Variants in SHROOM4 observed in about 807,000 individuals in gnomAD.
The protein encoded by SHROOM4 is shroom family member 4, also known as protein Shroom4.
Under a neutral mutation model 80.3 loss-of-function variants are expected in SHROOM4, and 17 were observed. The ratio of observed to expected loss-of-function variants is 0.21; its 90% CI spans 0.14 to 0.32. The LOEUF is 0.32. SHROOM4 is among the 10% of genes least tolerant of loss of function. SHROOM4 has a pLI of 1.00. For synonymous variants in SHROOM4, 400 were observed against 437.5 expected (o/e 0.91, Z 1.07); for missense variants, 993 against 1,140.3 (o/e 0.87, Z 1.86).
intron 1 of SHROOM4, among the ~76,000 whole-genome samples, chrX:50,770,796 C>T (rs1463585572): frequency 2.7e-5 from 3 of 111,448 alleles, no homozygotes; most frequent in Non-Finnish European, 5.7e-5. Flanking sequence ...CTCATACAGG[C>T]CCCCAGTCTG....
chrX:50,654,151 G>A (rs1932220157), intron 2 of SHROOM4, among the ~76,000 whole-genome samples: 1 of 111,770 alleles, frequency 8.9e-6, no homozygotes, highest in South Asian at 3.8e-4. Flanking sequence ...TCCAGGGACA[G>A]GAATGTTCTT....
rs782579658 is a variant in SHROOM4 at position 50,813,918 on chromosome X, G to T, written c.101C>A (p.Pro34Gln). The T allele has an allele frequency of 8.4e-7, 1 of 1,191,931 alleles. No homozygotes were observed. The highest frequency in any genetic ancestry group is 1.1e-6 in the Non-Finnish European group (1 of 878,836). ...AGTTCTTACCTTAGACACTGTGAGC[G>T]GCTCACAGTGTTCCAGACCCCCCTT... ...TLKGGLEHCEPLTVSKIEDGG... is the reference protein window; with the variant it reads ...TLKGGLEHCEQLTVSKIEDGG... Residue 34 changes from proline (P) to glutamine (Q), a missense_variant, in exon 1 of 9, where the codon CCG becomes CAG. By Grantham distance (76) the Pro-to-Gln change is moderately conservative. Transcript: ENST00000376020.
At chrX:50,602,085 C>A (rs1470175323) in intron 7 of SHROOM4, among the ~76,000 whole-genome samples, 1 of 109,134 alleles carries the variant, frequency 9.2e-6, no homozygotes, top group Non-Finnish European at 1.9e-5. Context: ...CTGTTCTTTT[C>A]TTTTCTTCTT....
chrX:50,606,581 A>C, intron 6 of SHROOM4, among the ~76,000 whole-genome samples: 1 of 108,227 alleles, frequency 9.2e-6, no homozygotes, highest in East Asian at 3.0e-4. Context: ...GCTTTGGAGC[A>C]AAAGAAATTA....
intron 1 of SHROOM4, among the ~76,000 whole-genome samples, chrX:50,770,105 G>A (rs1557269598): frequency 9.1e-6 from 1 of 110,267 alleles, no homozygotes; most frequent in Non-Finnish European, 1.9e-5. Context: ...AAGCCTTCCT[G>A]TCCAAGAGAA....
chrX:50,628,344 AT>A (rs1198225079), intron 4 of SHROOM4, among the ~76,000 whole-genome samples: 1 of 110,780 alleles, frequency 9.0e-6, no homozygotes, highest in Non-Finnish European at 1.9e-5. Context: ...CTTAAGGGCC[AT>A]GTCCAAGCAA....
chrX:50,622,521 A>G (rs1029304310), intron 5 of SHROOM4, among the ~76,000 whole-genome samples: 1 of 112,623 alleles, frequency 8.9e-6, no homozygotes, highest in African/African-American at 3.2e-5. Flanking sequence ...CGGAAAACCA[A>G]ATAACAGTGG....
chrX:50,688,163 C>G (rs1933125760), intron 2 of SHROOM4, among the ~76,000 whole-genome samples: 1 of 111,377 alleles, frequency 9.0e-6, no homozygotes, highest in Non-Finnish European at 1.9e-5. Flanking sequence ...TATTTATGGA[C>G]ACTTACATTT....
chrX:50,600,484 A>G (rs1160908710), intron 7 of SHROOM4, among the ~76,000 whole-genome samples: 1 of 112,059 alleles, frequency 8.9e-6, no homozygotes, highest in East Asian at 2.8e-4. Flanking sequence ...AGATAACAAT[A>G]GGACCTACCT....
intron 1 of SHROOM4, among the ~76,000 whole-genome samples, chrX:50,811,827 C>T (rs1342186727): frequency 9.1e-6 from 1 of 110,477 alleles, no homozygotes; most frequent in Non-Finnish European, 1.9e-5. Flanking sequence ...TCATAATGAG[C>T]CTTCATATAA....
intron 5 of SHROOM4, among the ~76,000 whole-genome samples, chrX:50,610,352 T>TCTCTCTCACACACACACACACACA (rs782591424): frequency 8.7e-5 from 8 of 91,707 alleles, no homozygotes; most frequent in African/African-American, 3.2e-4. Flanking sequence ...TCTCTCTCTC[T>TCTCTCTCACACACACACACACACA]CACACACACA....
At chrX:50,751,337 C>A (rs782427020) in intron 1 of SHROOM4, among the ~76,000 whole-genome samples, 3 of 112,106 alleles carry the variant, frequency 2.7e-5, no homozygotes, top group Non-Finnish European at 5.6e-5. Context: ...ATTGAATCCT[C>A]AGCTATAGCT....
rs1930349393 is a variant in SHROOM4, at chrX:50,618,277, CCCCTTCCTTCCT to C, written c.2957+9325_2957+9336del. ...TTTCTTTCTTTTCTTCTCTTCTCTTCCCCTTCCTTCCTTCCTTCCTTCCTTCCTTCCTTCCTT... is the reference window on the plus strand; with the variant it reads ...TTTCTTTCTTTTCTTCTCTTCTCTTCTCCTTCCTTCCTTCCTTCCTTCCTT... On this transcript the variant is annotated intron_variant, in intron 5 of 8. Transcript: ENST00000376020. 1.7e-3 allele frequency among the ~76,000 whole-genome samples: 77 copies of C among 44,911 alleles called. 10 individuals are homozygous for C. The highest frequency in any genetic ancestry group is 2.8e-3 in the Non-Finnish European group (57 of 20,605). 39.0% of individuals were successfully genotyped at this position (44,911 alleles called of 115,157 possible).
chrX:50,689,747 GTTCA>G (rs1933174073), intron 2 of SHROOM4, among the ~76,000 whole-genome samples: 1 of 111,605 alleles, frequency 9.0e-6, no homozygotes, highest in Non-Finnish European at 1.9e-5. Flanking sequence ...TCTTTAACAT[GTTCA>G]TTTTTTGTCT....
chrX:50,770,226 T>C (rs1935367139), intron 1 of SHROOM4, among the ~76,000 whole-genome samples: 1 of 111,191 alleles, frequency 9.0e-6, no homozygotes, highest in South Asian at 3.9e-4. Flanking sequence ...TCCCTTTATA[T>C]AAAAGAGCCA....
intron 2 of SHROOM4, among the ~76,000 whole-genome samples, chrX:50,666,465 G>T (rs1180937021): frequency 9.0e-6 from 1 of 111,355 alleles, no homozygotes; most frequent in African/African-American, 3.3e-5. Flanking sequence ...TTATAGACCA[G>T]CCATACTCTT....
chrX:50,677,310 C>T (rs1020010330), intron 2 of SHROOM4, among the ~76,000 whole-genome samples: 10 of 111,403 alleles, frequency 9.0e-5, no homozygotes, highest in Non-Finnish European at 1.3e-4. Context: ...GAAGGAGTAT[C>T]ATACCTGGTA....
At chrX:50,768,759 A>C (rs1237493010) in intron 1 of SHROOM4, among the ~76,000 whole-genome samples, 1 of 112,136 alleles carries the variant, frequency 8.9e-6, no homozygotes, top group Non-Finnish European at 1.9e-5. Context: ...ATCTAAAGTA[A>C]AAATATAATG....
At chrX:50,651,853 T>A (rs1932087780) in intron 2 of SHROOM4, among the ~76,000 whole-genome samples, 2 of 110,772 alleles carry the variant, frequency 1.8e-5, no homozygotes, top group Non-Finnish European at 3.8e-5. Flanking sequence ...TGTTCCTGTG[T>A]TAGTTTACCT....
Sources: allele counts gnomAD v4.1 joint callset (sites outside exome capture counted in the v4.1 genomes callset), GRCh38; gene constraint gnomAD v4.1.1; transcripts MANE v1.5; gene names NCBI Gene and HGNC (gene_info 2026-07-23, HGNC 2026-07-21).